DLGAP2: variants seen among roughly 807,000 people sequenced by gnomAD.
The protein encoded by DLGAP2 is DLG associated protein 2.
A neutral mutation model predicts 100.3 loss-of-function variants in DLGAP2; 26 were observed. The ratio of observed to expected loss-of-function variants is 0.26; its 90% confidence interval spans 0.19 to 0.36. The LOEUF is 0.36. Among genes scored for constraint, DLGAP2 ranks in the 10% least tolerant of loss-of-function variants. The pLI is 1.00. For missense variants in DLGAP2, 1,858 were observed against 1,453.2 expected (o/e 1.28, Z -4.53); for synonymous variants, 886 against 630.1 (o/e 1.41, Z -6.08).
intron 1 of DLGAP2, among the ~76,000 whole-genome samples, chr8:790,082 G>T (rs766052333): frequency 2.0e-5 from 3 of 152,208 alleles, no homozygotes; most frequent in Non-Finnish European, 2.9e-5. Flanking sequence ...ACACTCCCCA[G>T]AGCCAGAGCC....
chr8:1,227,311 A>G (rs886686395), intron 2 of DLGAP2, among the ~76,000 whole-genome samples: 2 of 149,630 alleles, frequency 1.3e-5, no homozygotes, highest in African/African-American at 5.0e-5. Context: ...CTCCTTTTCG[A>G]TCATTGTTGG....
chr8:1,314,278 C>T (rs570510686), intron 3 of DLGAP2, among the ~76,000 whole-genome samples: 14 of 152,168 alleles, frequency 9.2e-5, no homozygotes, highest in Non-Finnish European at 1.3e-4. Context: ...TGGTCACTGA[C>T]CCTTATAAAG....
At chr8:1,462,922 C>T (rs2130161488) in intron 3 of DLGAP2, among the ~76,000 whole-genome samples, 1 of 152,212 alleles carries the variant, frequency 6.6e-6, no homozygotes, top group East Asian at 1.9e-4. Context: ...ATGTTGCCCT[C>T]ATCCCATTCC....
At chr8:1,547,879 G>C (rs886462562) in intron 4 of DLGAP2, among the ~76,000 whole-genome samples, 22 of 152,306 alleles carry the variant, frequency 1.4e-4, no homozygotes, top group Admixed American at 9.8e-4. Flanking sequence ...GGTGTGGACT[G>C]AACAAACGAT....
chr8:1,597,290 G>A (rs1796487057), intron 6 of DLGAP2, among the ~76,000 whole-genome samples: 1 of 152,112 alleles, frequency 6.6e-6, no homozygotes, highest in African/African-American at 2.4e-5. Context: ...TTTGAAGTCA[G>A]CTGGTGTTCT....
At chr8:1,334,727 G>T (rs1398428383) in intron 3 of DLGAP2, among the ~76,000 whole-genome samples, 1 of 152,040 alleles carries the variant, frequency 6.6e-6, no homozygotes, top group African/African-American at 2.4e-5. Context: ...TGTGCCTTCT[G>T]TAGCACCACA....
chr8:1,565,689 C>A lies in DLGAP2; in HGVS notation c.1237C>A (p.Gln413Lys). Residue 413 changes from glutamine to lysine, a missense_variant, in exon 6 of 15, where the codon CAG (glutamine) becomes AAG (lysine). Transcript: ENST00000637795. ...CATGTCTGTCTGCTCCCAGGTACCT[C>A]AGGATGAGTGGGGAGGGTACCCCAC... ...LRPCHYLQVPQDEWGGYPTGG... is the reference protein window; with the variant it reads ...LRPCHYLQVPKDEWGGYPTGG... 6.2e-7 allele frequency: 1 copy of A among 1,611,874 alleles called. No individual in the cohort carries two copies. The highest frequency in any genetic ancestry group is 2.2e-5 in the East Asian group (1 of 44,784).
intron 2 of DLGAP2, among the ~76,000 whole-genome samples, chr8:1,043,306 T>G: frequency 9.7e-6 from 1 of 103,300 alleles, no homozygotes; most frequent in African/African-American, 3.6e-5. Flanking sequence ...GGGTGGTGGG[T>G]GTGGGTGATG....
intron 3 of DLGAP2, among the ~76,000 whole-genome samples, chr8:1,436,548 C>G (rs1277321636): frequency 1.3e-5 from 2 of 152,186 alleles, no homozygotes; most frequent in Non-Finnish European, 2.9e-5. Flanking sequence ...ACTTTGCATC[C>G]TTCAATCCAA....
rs1301991613 is a variant in DLGAP2 at position 1,501,992 on chromosome 8, A to C, written c.172+561A>C. On this transcript the variant is annotated intron_variant, in intron 4 of 14. Coordinates refer to ENST00000637795, the MANE Select transcript of DLGAP2 (RefSeq NM_001346810.2). ...CAAAGCTGGTGCCATATTTGCCATC[A>C]GTCTTTTGACATGGAGCTATGCTTA... 2.8e-4 allele frequency among the ~76,000 whole-genome samples: 43 copies of C among 152,258 alleles called. 1 individual carries two copies. Among genetic ancestry groups the C allele is most frequent in the Admixed American group, 2.8e-3 (43 of 15,288 alleles).
At chr8:1,292,217 C>T (rs1800074266) in intron 3 of DLGAP2, among the ~76,000 whole-genome samples, 1 of 152,218 alleles carries the variant, frequency 6.6e-6, no homozygotes. Context: ...GGAAAGTGAG[C>T]TCTGTCACCT....
At chr8:876,591 G>T (rs990072022) in intron 1 of DLGAP2, among the ~76,000 whole-genome samples, 4 of 152,078 alleles carry the variant, frequency 2.6e-5, no homozygotes, top group Non-Finnish European at 5.9e-5. Flanking sequence ...TTCAGTATTT[G>T]TACTGTGACT....
intron 2 of DLGAP2, among the ~76,000 whole-genome samples, chr8:1,059,376 A>T (rs1489425307): frequency 6.6e-6 from 1 of 152,016 alleles, no homozygotes; most frequent in Non-Finnish European, 1.5e-5. Flanking sequence ...TTAGGAACAC[A>T]GCTCTGGAGC....
At chr8:810,900 T>A (rs561801601) in intron 1 of DLGAP2, among the ~76,000 whole-genome samples, 7 of 152,212 alleles carry the variant, frequency 4.6e-5, no homozygotes, top group Non-Finnish European at 1.0e-4. Context: ...AGATCCTTTG[T>A]CAATGTTGAC....
intron 3 of DLGAP2, among the ~76,000 whole-genome samples, chr8:1,497,092 C>T (rs1799571693): frequency 6.6e-6 from 1 of 152,178 alleles, no homozygotes; most frequent in African/African-American, 2.4e-5. Context: ...GCCAGAGGGA[C>T]CCTAAGCAAG....
At chr8:1,496,275 C>T (rs529373416) in intron 3 of DLGAP2, among the ~76,000 whole-genome samples, 15 of 152,130 alleles carry the variant, frequency 9.9e-5, no homozygotes, top group East Asian at 3.9e-4. Flanking sequence ...TGAGACATTG[C>T]GGTGTCGGTG....
intron 4 of DLGAP2, among the ~76,000 whole-genome samples, chr8:1,506,199 G>T (rs1478907522): frequency 2.0e-5 from 3 of 152,164 alleles, no homozygotes; most frequent in African/African-American, 7.2e-5. Flanking sequence ...TTGTCTCACA[G>T]GAATTCCCCT....
intron 3 of DLGAP2, among the ~76,000 whole-genome samples, chr8:1,482,980 G>T (rs1411279343): frequency 2.0e-5 from 3 of 152,258 alleles, no homozygotes; most frequent in African/African-American, 7.2e-5. Flanking sequence ...CACGTCCCGT[G>T]CTCGGGCCCT....
chr8:978,723 C>T (rs944703349), intron 2 of DLGAP2, among the ~76,000 whole-genome samples: 4 of 151,960 alleles, frequency 2.6e-5, no homozygotes, highest in South Asian at 2.1e-4. Flanking sequence ...GTCTTTGCCA[C>T]GCGGGCATGT....
Sources: allele counts gnomAD v4.1 joint callset (sites outside exome capture counted in the v4.1 genomes callset), GRCh38; gene constraint gnomAD v4.1.1; transcripts MANE v1.5; gene names NCBI Gene and HGNC (gene_info 2026-07-23, HGNC 2026-07-21).